The following TSC2 variants were observed in gnomAD, a reference collection of about 807,000 sequenced individuals.
The protein encoded by TSC2 is tuberin.
In TSC2, 29 loss-of-function variants were observed where a neutral mutation model predicts 202.2. The observed-to-expected ratio is 0.14, with a 90% CI of 0.11 to 0.20. TSC2 has a LOEUF of 0.20. TSC2 is among the 10% of genes least tolerant of loss of function. The probability of loss-of-function intolerance (pLI) is 1.00; values close to 1 mark genes in which losing one functional copy is unlikely to be tolerated. For synonymous variants in TSC2, 1,349 were observed against 1,044.0 expected (o/e 1.29, Z -5.63); for missense variants, 2,429 against 2,420.0 (o/e 1.00, Z -0.08).
chr16:2,070,056 C>G (rs1377773329), intron 16 of TSC2, among the ~76,000 whole-genome samples: 2 of 152,176 alleles, frequency 1.3e-5, no homozygotes. Context: ...GGCCTCGGCC[C>G]CAGGGTTGCT....
At chr16:2,074,787 C>T (rs768254951) in intron 22 of TSC2, 62 of 324,568 alleles carry the variant, frequency 1.9e-4, no homozygotes, top group Non-Finnish European at 3.4e-4. Flanking sequence ...TCTGGGCAGG[C>T]CCTCAATGTT....
intron 26 of TSC2, chr16:2,078,244 C>T (rs1295920983): frequency 5.7e-6 from 1 of 176,908 alleles, no homozygotes; most frequent in African/African-American, 2.4e-5. Flanking sequence ...CTTAGTTCTC[C>T]CCGCAGTGTC....
rs768864105 is a variant in TSC2, at chr16:2,079,068, G to T, written c.3003G>T (p.Gly1001=). 1 of 1,612,972 alleles carries T rather than the reference G, an allele frequency of 6.2e-7. No individual in the cohort carries two copies. The highest frequency in any genetic ancestry group is 1.1e-5 in the South Asian group (1 of 91,082). ...CGTCCCTCACCAGTGCCAGCTTGGG[G>T]TCTGCAGATGAGAACTCCGTGGCCC... is the stretch of plus-strand genomic sequence containing the variant. The part of the protein sequence containing the change: ...IQTSLTSASL[G]SADENSVAQA... Residue 1001 remains glycine, a synonymous_variant, in exon 27 of 42, where the codon GGG becomes GGT. Transcript: ENST00000219476. The surrounding 1 kb of genome is among the most constrained non-coding windows in gnomAD (Gnocchi z 4.6).
chr16:2,081,239 A>C, intron 30 of TSC2: 1 of 378,014 alleles, frequency 2.6e-6, no homozygotes, highest in Non-Finnish European at 5.1e-6. Context: ...GCCCAGGGAC[A>C]GAGGGAGGCC....
Position 2,088,912 on chromosome 16 carries a change from C to G in TSC2, c.*302C>G. ...ACACACACACACAGTCACCTTCCTC[C>G]ACCCTGGGAGCCAGCCCCCAGGAGG... On this transcript the variant is annotated 3_prime_UTR_variant, in exon 42 of 42. Transcript: ENST00000219476. 1 of 408,332 alleles carries G rather than the reference C, an allele frequency of 2.4e-6. No homozygotes were observed. Among genetic ancestry groups the G allele is most frequent in the Non-Finnish European group, 4.5e-6 (1 of 222,036 alleles). 25.3% of individuals were successfully genotyped at this position (408,332 alleles called of 1,614,324 possible). A position where few individuals can be genotyped will look rare whatever the true frequency, so the allele number is the denominator to read the frequency against.
chr16:2,083,664 A>G, intron 32 of TSC2, 31 bp from the exon 33 acceptor site: 1 of 1,563,080 alleles, frequency 6.4e-7, no homozygotes, highest in Non-Finnish European at 8.7e-7. Context: ...GCCCAGCCCC[A>G]CATCCAGCAG....
chr16:2,071,452 C>T (rs377172720), intron 17 of TSC2, 58 bp from the exon 18 acceptor site: 19 of 1,596,174 alleles, frequency 1.2e-5, no homozygotes, highest in South Asian at 5.6e-5. Flanking sequence ...GGTGGGACGC[C>T]GCCTGTCCTG....
At chr16:2,063,165 C>T in intron 14 of TSC2, 112 bp downstream of exon 14, 1 of 1,285,376 alleles carries the variant, frequency 7.8e-7, no homozygotes. Context: ...GACTTCGGTC[C>T]TGCCGGACCC....
intron 1 of TSC2, 51 bp from the exon 2 acceptor site, chr16:2,048,536 G>A: frequency 6.2e-7 from 1 of 1,609,992 alleles, no homozygotes; most frequent in Non-Finnish European, 8.5e-7. Flanking sequence ...CAGTGGGGAA[G>A]GTGGGCAGAG....
At chr16:2,048,531 G>A (rs943345783) in intron 1 of TSC2, 56 bp from the exon 2 acceptor site, 2 of 1,607,632 alleles carry the variant, frequency 1.2e-6, no homozygotes, top group East Asian at 2.2e-5. Context: ...GTCCGCAGTG[G>A]GGAAGGTGGG....
rs746001352 is a variant in TSC2 at position 2,070,597 on chromosome 16, C to T, written c.1839+19C>T. On this transcript the variant is annotated intron_variant, in intron 17 of 41. Coordinates refer to ENST00000219476, the MANE Select transcript of TSC2 (RefSeq NM_000548.5). ...GCTGCAGGTATGGTGGCTGGGGTTG[C>T]GCAGCCAGTTCCTGGGGGCCCAGCC... 2.3e-5 allele frequency: 37 copies of T among 1,612,648 alleles called. No homozygotes were observed. The highest frequency in any genetic ancestry group is 1.6e-4 in the Middle Eastern group (1 of 6,082).
At chr16:2,048,776 T>C in intron 2 of TSC2, 23 bp downstream of exon 2, 1 of 1,613,970 alleles carries the variant, frequency 6.2e-7, no homozygotes, top group South Asian at 1.1e-5. Flanking sequence ...CCTGTGTCTT[T>C]GCTAGGCTAG....
chr16:2,069,186 T>C (rs8050755), intron 16 of TSC2, among the ~76,000 whole-genome samples: 37,763 of 152,214 alleles, frequency 0.25, 6,998 homozygotes, highest in African/African-American at 0.52. Flanking sequence ...TGCTGTTGGT[T>C]CCATGTGGCC....
intron 22 of TSC2, 36 bp downstream of exon 22, chr16:2,074,425 G>A (rs2151357739): frequency 6.2e-7 from 1 of 1,603,568 alleles, no homozygotes; most frequent in Non-Finnish European, 8.5e-7. Flanking sequence ...GCACCCGAGA[G>A]GTTCGGGCTG....
intron 5 of TSC2, 170 bp downstream of exon 5, chr16:2,054,610 G>A (rs1019287357): frequency 4.2e-6 from 4 of 951,326 alleles, no homozygotes; most frequent in Admixed American, 2.0e-5. Flanking sequence ...GAGTGCCCCT[G>A]AGGCACGTGT....
chr16:2,087,219 G>A (rs754107263), intron 38 of TSC2: 12 of 402,624 alleles, frequency 3.0e-5, no homozygotes, highest in African/African-American at 1.2e-4. Context: ...GTTGGTTATC[G>A]CCACGCACCA....
intron 1 of TSC2, 31 bp downstream of exon 1, chr16:2,048,096 G>A (rs963708659): frequency 9.7e-6 from 14 of 1,439,272 alleles, no homozygotes; most frequent in African/African-American, 3.0e-5. Context: ...GGCAAGTGGC[G>A]GTCCCCACGG....
chr16:2,071,592 G>T lies in TSC2; in HGVS notation c.1922G>T (p.Ser641Ile), dbSNP rs397514964. The T allele has an allele frequency of 1.2e-6, 2 of 1,613,306 alleles. No individual in the cohort carries two copies. The highest frequency in any genetic ancestry group is 1.3e-5 in the African/African-American group (1 of 74,934). The change falls in exon 18 of 42, where the codon AGC becomes ATC. Residue 641 changes from serine to isoleucine, a missense_variant. Physicochemically the swap from Ser to Ile is moderately radical, Grantham distance 142. Coordinates refer to ENST00000219476, the MANE Select transcript of TSC2 (RefSeq NM_000548.5). Reference sequence around the variant, plus strand: ...AACAAGGATGGAGTCGTGCGGTTCAGCCCCTACTGCGTCTGCGACTACATG... The same window carrying T: ...AACAAGGATGGAGTCGTGCGGTTCATCCCCTACTGCGTCTGCGACTACATG... Reference protein sequence around the residue: ...LPNKDGVVRFSPYCVCDYMEP... With the variant: ...LPNKDGVVRFIPYCVCDYMEP...
intron 16 of TSC2, among the ~76,000 whole-genome samples, chr16:2,067,801 C>T (rs1185315809): frequency 6.6e-6 from 1 of 152,130 alleles, no homozygotes; most frequent in Non-Finnish European, 1.5e-5. Flanking sequence ...ACAGGCATCA[C>T]CTCCTTGGTG....
Sources: allele counts gnomAD v4.1 joint callset (sites outside exome capture counted in the v4.1 genomes callset), GRCh38; gene constraint gnomAD v4.1.1; non-coding constraint Gnocchi (gnomAD v3.1); transcripts MANE v1.5; gene names NCBI Gene and HGNC (gene_info 2026-07-23, HGNC 2026-07-21).